The following CNTN6 variants were observed in gnomAD, a reference collection of about 807,000 sequenced individuals.
The protein encoded by CNTN6 is contactin-6.
CNTN6 carries 137 observed loss-of-function variants against 122.8 expected under a neutral mutation model. That is an observed-to-expected ratio of 1.12 (90% CI 0.97 to 1.29). CNTN6 has a LOEUF of 1.29. Among genes scored for constraint, CNTN6 ranks in the 50% most tolerant of loss-of-function variants. CNTN6 has a pLI of 0.00. For synonymous variants in CNTN6, 570 were observed against 426.0 expected (o/e 1.34, Z -4.16); for missense variants, 1,634 against 1,223.4 (o/e 1.34, Z -5.01).
At chr3:1,300,521 G>GGGA (rs1162971787) in intron 7 of CNTN6, among the ~76,000 whole-genome samples, 1 of 137,610 alleles carries the variant, frequency 7.3e-6, no homozygotes, top group Non-Finnish European at 1.5e-5. Context: ...AAGAAAGAAA[G>GGGA]AAAGATAAAG....
chr3:1,402,523 C>T, intron 22 of CNTN6, 37 bp downstream of exon 22: 1 of 1,536,164 alleles, frequency 6.5e-7, no homozygotes, highest in Non-Finnish European at 8.9e-7. Flanking sequence ...AGATTCTGAA[C>T]CTAGACAGCT....
chr3:1,359,914 C>T (rs532288782), intron 12 of CNTN6, among the ~76,000 whole-genome samples: 29 of 152,082 alleles, frequency 1.9e-4, no homozygotes, highest in African/African-American at 1.2e-4. Context: ...TAGTTTTCTA[C>T]GGACTTGCCA....
intron 4 of CNTN6, among the ~76,000 whole-genome samples, chr3:1,270,776 G>A (rs2095011265): frequency 6.6e-6 from 1 of 152,218 alleles, no homozygotes; most frequent in South Asian, 2.1e-4. Context: ...AATTGCTTCT[G>A]AGGTGTGAAA....
chr3:1,386,763 A>G (rs1029000301), intron 20 of CNTN6, among the ~76,000 whole-genome samples: 1 of 152,002 alleles, frequency 6.6e-6, no homozygotes, highest in African/African-American at 2.4e-5. Flanking sequence ...TTTGAGAAAG[A>G]CTAAGACAAA....
intron 2 of CNTN6, among the ~76,000 whole-genome samples, chr3:1,189,127 G>A (rs2093666692): frequency 1.3e-5 from 2 of 152,180 alleles, no homozygotes; most frequent in Non-Finnish European, 2.9e-5. Context: ...AGCTAGAATT[G>A]ATACAGTAGG....
intron 2 of CNTN6, among the ~76,000 whole-genome samples, chr3:1,193,675 CA>C (rs2093734258): frequency 6.6e-6 from 1 of 151,990 alleles, no homozygotes; most frequent in East Asian, 1.9e-4. Flanking sequence ...AAATATGTTC[CA>C]ATGTAGTTTC....
intron 4 of CNTN6, among the ~76,000 whole-genome samples, chr3:1,238,855 C>G (rs531163869): frequency 6.6e-6 from 1 of 152,068 alleles, no homozygotes; most frequent in South Asian, 2.1e-4. Context: ...CAAAAAGCTG[C>G]CTCTTTGAAA....
intron 4 of CNTN6, among the ~76,000 whole-genome samples, chr3:1,229,066 A>C (rs1452800648): frequency 1.3e-5 from 2 of 152,202 alleles, no homozygotes; most frequent in Admixed American, 6.5e-5. Context: ...ATACAGATAT[A>C]CACACATAAA....
chr3:1,169,043 A>G (rs2093313186), intron 2 of CNTN6, among the ~76,000 whole-genome samples: 1 of 152,162 alleles, frequency 6.6e-6, no homozygotes. Flanking sequence ...GCAGGCCAGA[A>G]TGACTGATGG....
chr3:1,355,988 G>A (rs1444261314), intron 12 of CNTN6, among the ~76,000 whole-genome samples: 1 of 151,730 alleles, frequency 6.6e-6, no homozygotes, highest in Non-Finnish European at 1.5e-5. Flanking sequence ...AGTGCAATTA[G>A]CAGCAGCTTT....
intron 4 of CNTN6, among the ~76,000 whole-genome samples, chr3:1,228,569 T>A (rs1405154420): frequency 6.6e-6 from 1 of 152,212 alleles, no homozygotes; most frequent in Non-Finnish European, 1.5e-5. Flanking sequence ...ATACTGCGTC[T>A]AATATCCTTT....
intron 4 of CNTN6, among the ~76,000 whole-genome samples, chr3:1,277,245 G>T (rs1263839855): frequency 6.6e-6 from 1 of 150,718 alleles, no homozygotes; most frequent in Non-Finnish European, 1.5e-5. Flanking sequence ...CTTCCCATTA[G>T]ATAGTAAGCA....
intron 12 of CNTN6, among the ~76,000 whole-genome samples, chr3:1,357,034 G>A (rs1021205785): frequency 2.0e-5 from 3 of 151,732 alleles, no homozygotes; most frequent in African/African-American, 7.3e-5. Context: ...TTAAAATGCA[G>A]CATATGTCAC....
At chr3:1,255,185 C>T (rs1475411549) in intron 4 of CNTN6, among the ~76,000 whole-genome samples, 2 of 152,080 alleles carry the variant, frequency 1.3e-5, no homozygotes, top group African/African-American at 4.8e-5. Flanking sequence ...ACTTCTGCTG[C>T]ATTTTGTTTG....
intron 12 of CNTN6, among the ~76,000 whole-genome samples, chr3:1,371,597 G>A (rs536286311): frequency 6.6e-6 from 1 of 152,132 alleles, no homozygotes; most frequent in African/African-American, 2.4e-5. Context: ...AAGTACAACT[G>A]GCACACCCTG....
At chr3:1,122,376 A>AAGGAAGGG (rs1553601259) in intron 1 of CNTN6, among the ~76,000 whole-genome samples, 3 of 146,318 alleles carry the variant, frequency 2.1e-5, no homozygotes, top group Non-Finnish European at 3.0e-5. Flanking sequence ...GGAAGGAAGG[A>AAGGAAGGG]AGGGAGGAAT....
intron 1 of CNTN6, among the ~76,000 whole-genome samples, chr3:1,100,165 T>C (rs2090806618): frequency 6.6e-6 from 1 of 152,194 alleles, no homozygotes. Flanking sequence ...TCTCTTCTTG[T>C]GCTCTGAAGA....
intron 4 of CNTN6, among the ~76,000 whole-genome samples, chr3:1,240,091 C>T (rs1448079715): frequency 6.6e-6 from 1 of 152,120 alleles, no homozygotes; most frequent in Non-Finnish European, 1.5e-5. Context: ...ATTGGAACAA[C>T]ACTTCCAGAC....
chr3:1,379,113 G>A (rs11708128), intron 17 of CNTN6, among the ~76,000 whole-genome samples: 12,250 of 152,068 alleles, frequency 0.081, 533 homozygotes, highest in African/African-American at 0.098. Context: ...TGTTGCAATT[G>A]CTTGTACACA....
Sources: gnomAD v4.1 joint callset for allele counts (sites outside exome capture counted in the v4.1 genomes callset) on GRCh38, gnomAD v4.1.1 for gene constraint, MANE v1.5 for transcripts, NCBI Gene and HGNC (gene_info 2026-07-23, HGNC 2026-07-21) for gene names.